COL26A1: variants seen among roughly 807,000 people sequenced by gnomAD.
COL26A1 encodes collagen type XXVI alpha 1 chain, also known as collagen alpha-1(XXVI) chain.
COL26A1 carries 41 observed loss-of-function variants against 59.3 expected under a neutral mutation model. That is an observed-to-expected ratio of 0.69 (90% CI 0.54 to 0.90). COL26A1 has a LOEUF of 0.90. Among genes scored for constraint, COL26A1 ranks in the 40% least tolerant of loss-of-function variants. The pLI, the probability that COL26A1 is intolerant of heterozygous loss-of-function variation, is 0.00. For synonymous variants in COL26A1, 266 were observed against 256.0 expected (o/e 1.04, Z -0.37); for missense variants, 612 against 602.3 (o/e 1.02, Z -0.17).
At chr7:101,420,782 C>A (rs949599677) in intron 2 of COL26A1, among the ~76,000 whole-genome samples, 5 of 151,656 alleles carry the variant, frequency 3.3e-5, no homozygotes, top group Non-Finnish European at 7.4e-5. Flanking sequence ...CTCACCAGCC[C>A]CTCCCTCTCA....
At chr7:101,482,736 T>C (rs56879658) in intron 3 of COL26A1, among the ~76,000 whole-genome samples, 60,115 of 151,954 alleles carry the variant, frequency 0.4, 12,462 homozygotes, top group Middle Eastern at 0.5. Flanking sequence ...GCGGGTGGAT[T>C]ACTTGAGACC....
chr7:101,437,301 A>G (rs1792938601), intron 2 of COL26A1, among the ~76,000 whole-genome samples: 1 of 152,010 alleles, frequency 6.6e-6, no homozygotes, highest in African/African-American at 2.4e-5. Flanking sequence ...CAGCACTTTC[A>G]CTGAGCTCTG....
Position 101,394,864 on chromosome 7 carries a change from C to A in COL26A1, c.159-25113C>A, listed in dbSNP as rs199897348. ...TGTTTCCATAAAGCGGTTTCTTTTT[C>A]TTTTCTTTTTTTTTTTTTTTTTTTT... On this transcript the variant is annotated intron_variant, in intron 1 of 12. Coordinates refer to ENST00000313669, the MANE Select transcript of COL26A1 (RefSeq NM_001278563.3). Among the ~76,000 whole-genome samples, 38 of 124,012 alleles carry A rather than the reference C, an allele frequency of 3.1e-4. No individual in the cohort carries two copies. In the East Asian group the frequency reaches 8.5e-3, roughly 28 times the overall value. 81.4% of individuals were successfully genotyped at this position (124,012 alleles called of 152,430 possible).
Position 101,451,516 on chromosome 7 carries a change from A to G in COL26A1, c.385+3729A>G, listed in dbSNP as rs1317581659. ...GCTCAAAGGAAATGCCAAGTAGAAC[A>G]TTTTGGATTTCTGATTTTCTGATTT... On this transcript the variant is annotated intron_variant, in intron 3 of 12. Transcript: ENST00000313669. Among the ~76,000 whole-genome samples, 3 of 149,296 alleles carry G rather than the reference A, an allele frequency of 2.0e-5. No homozygotes were observed. The East Asian group carries it at 5.8e-4, about 29-fold the overall frequency.
At chr7:101,433,975 A>G (rs1792840683) in intron 2 of COL26A1, among the ~76,000 whole-genome samples, 1 of 151,140 alleles carries the variant, frequency 6.6e-6, no homozygotes, top group Non-Finnish European at 1.5e-5. Flanking sequence ...AGATGAAAGG[A>G]AAATAGGTAT....
chr7:101,489,680 C>CCTTCCTTT (rs1794359803), intron 3 of COL26A1, among the ~76,000 whole-genome samples: 1 of 21,368 alleles, frequency 4.7e-5, no homozygotes, highest in Non-Finnish European at 8.4e-5. Flanking sequence ...TTCCTTCCTT[C>CCTTCCTTT]CTTTCTTTCT....
At chr7:101,554,148 G>A (rs1224884674) in intron 11 of COL26A1, among the ~76,000 whole-genome samples, 1 of 152,132 alleles carries the variant, frequency 6.6e-6, no homozygotes. Flanking sequence ...AGAATGAGAA[G>A]GTTGTTGCGT....
chr7:101,554,137 G>T (rs766017702), intron 11 of COL26A1, among the ~76,000 whole-genome samples: 1 of 152,152 alleles, frequency 6.6e-6, no homozygotes, highest in Non-Finnish European at 1.5e-5. Flanking sequence ...GTGATTGCCA[G>T]AGAATGAGAA....
intron 3 of COL26A1, among the ~76,000 whole-genome samples, chr7:101,508,691 G>A (rs1352541589): frequency 1.3e-5 from 2 of 151,460 alleles, no homozygotes; most frequent in Admixed American, 6.6e-5. Context: ...CATCACTCAC[G>A]AAACCTGACC....
intron 3 of COL26A1, among the ~76,000 whole-genome samples, chr7:101,529,177 A>G (rs192134881): frequency 6.6e-6 from 1 of 152,152 alleles, no homozygotes; most frequent in Non-Finnish European, 1.5e-5. Context: ...AAAGAAAATT[A>G]TTTTATGTTA....
chr7:101,554,028 C>G (rs112661424), intron 11 of COL26A1, among the ~76,000 whole-genome samples: 2,379 of 151,978 alleles, frequency 0.016, 60 homozygotes, highest in African/African-American at 0.055. Flanking sequence ...CAAATTCCTC[C>G]CCTCAGCTGG....
At chr7:101,498,707 C>A (rs984217083) in intron 3 of COL26A1, among the ~76,000 whole-genome samples, 3 of 152,196 alleles carry the variant, frequency 2.0e-5, no homozygotes, top group African/African-American at 7.2e-5. Context: ...GTCTTTGAAA[C>A]AAGCAAGCAG....
chr7:101,436,364 G>A (rs1426360115), intron 2 of COL26A1, among the ~76,000 whole-genome samples: 1 of 152,158 alleles, frequency 6.6e-6, no homozygotes, highest in Non-Finnish European at 1.5e-5. Context: ...CTCGTTTCCT[G>A]TTGAGTCTCC....
intron 3 of COL26A1, among the ~76,000 whole-genome samples, chr7:101,481,776 T>C (rs114850796): frequency 0.028 from 4,283 of 152,158 alleles, 120 homozygotes; most frequent in East Asian, 0.095. Context: ...TTGTCCAGCA[T>C]TCCAAAGTGT....
At chr7:101,457,982 C>T (rs762343471) in intron 3 of COL26A1, among the ~76,000 whole-genome samples, 29 of 151,330 alleles carry the variant, frequency 1.9e-4, no homozygotes, top group Admixed American at 1.5e-3. Flanking sequence ...TTGCAACCTC[C>T]GCCTCCTGGG....
intron 6 of COL26A1, among the ~76,000 whole-genome samples, chr7:101,544,645 G>C (rs190806165): frequency 6.7e-6 from 1 of 150,132 alleles, no homozygotes; most frequent in East Asian, 2.0e-4. Flanking sequence ...CAACTGTCCT[G>C]CCTCAGCCTA....
At chr7:101,392,489 C>T (rs10266271) in intron 1 of COL26A1, among the ~76,000 whole-genome samples, 9,064 of 150,938 alleles carry the variant, frequency 0.06, 630 homozygotes, top group African/African-American at 0.16. Context: ...GCAACCTCCG[C>T]CTCCCGGGTT....
intron 11 of COL26A1, among the ~76,000 whole-genome samples, 195 bp from the exon 12 acceptor site, chr7:101,555,590 CTG>C: frequency 6.6e-6 from 1 of 152,232 alleles, no homozygotes; most frequent in East Asian, 1.9e-4. Flanking sequence ...AGCTCTTTGT[CTG>C]TGAACAGGGT....
At chr7:101,550,834 C>CT (rs2130679770) in intron 9 of COL26A1, among the ~76,000 whole-genome samples, 1 of 62,368 alleles carries the variant, frequency 1.6e-5, no homozygotes, top group African/African-American at 7.2e-5. Context: ...ACCACCTGCT[C>CT]CCCTTCTCTG....
Sources: allele counts gnomAD v4.1 joint callset (sites outside exome capture counted in the v4.1 genomes callset), GRCh38; gene constraint gnomAD v4.1.1; transcripts MANE v1.5; gene names NCBI Gene and HGNC (gene_info 2026-07-23, HGNC 2026-07-21).